GSTA2: variants seen among roughly 807,000 people sequenced by gnomAD.
GSTA2 encodes glutathione S-transferase alpha 2.
In GSTA2, 27 loss-of-function variants were observed where a neutral mutation model predicts 22.4. That is an observed-to-expected ratio of 1.21 (90% CI 0.89 to 1.67). The LOEUF (loss-of-function observed/expected upper bound fraction) is 1.67. Ranked by LOEUF, GSTA2 falls within the 40% of genes most tolerant of loss-of-function variation. The pLI, the probability that GSTA2 is intolerant of heterozygous loss-of-function variation, is 0.00. For missense variants in GSTA2, 302 were observed against 260.2 expected (o/e 1.16, Z -1.11); for synonymous variants, 121 against 86.8 (o/e 1.39, Z -2.19).
chr6:52,763,226 G>C (rs1762982311), intron 1 of GSTA2, among the ~76,000 whole-genome samples: 1 of 151,948 alleles, frequency 6.6e-6, no homozygotes, highest in African/African-American at 2.4e-5. Flanking sequence ...CTGAGGCCCT[G>C]GTTTTCTAAA....
intron 1 of GSTA2, among the ~76,000 whole-genome samples, chr6:52,759,803 C>T (rs779890805): frequency 3.3e-5 from 5 of 151,590 alleles, no homozygotes; most frequent in African/African-American, 1.2e-4. Context: ...AGTCTGGTCT[C>T]GAAAGTCTGA....
Position 52,755,075 on chromosome 6 carries a change from T to A in GSTA2, c.140A>T (p.Asp47Val). The A allele has an allele frequency of 6.2e-7, 1 of 1,613,744 alleles. No individual in the cohort carries two copies. Among genetic ancestry groups the A allele is most frequent in the Non-Finnish European group, 8.5e-7 (1 of 1,179,984 alleles). The change falls in exon 4 of 7, where the codon GAT (aspartate) becomes GTT (valine). Residue 47 changes from aspartate to valine, a missense_variant and splice_region_variant. Transcript: ENST00000493422. ...SAEDLDKLRN[D>V]GYLMFQQVPM... Reference sequence around the variant, plus strand: ...CACTTGCTGGAACATCAAATATCCATCTTTAAGAGGAAGAAAAAAAAGGAG... The same window carrying A: ...CACTTGCTGGAACATCAAATATCCAACTTTAAGAGGAAGAAAAAAAAGGAG...
chr6:52,755,946 G>A (rs1762833977), intron 3 of GSTA2, among the ~76,000 whole-genome samples: 1 of 151,988 alleles, frequency 6.6e-6, no homozygotes, highest in Non-Finnish European at 1.5e-5. Context: ...GGATGGAGAG[G>A]GCTGTATGGG....
At chr6:52,762,837 C>T (rs1279650566) in intron 1 of GSTA2, among the ~76,000 whole-genome samples, 1 of 152,160 alleles carries the variant, frequency 6.6e-6, no homozygotes, top group Non-Finnish European at 1.5e-5. Flanking sequence ...CAGGACAGAT[C>T]TCCGTTCAAA....
intron 4 of GSTA2, among the ~76,000 whole-genome samples, chr6:52,754,263 C>T (rs909137005): frequency 2.0e-5 from 3 of 152,142 alleles, no homozygotes; most frequent in African/African-American, 7.2e-5. Flanking sequence ...GCTGGGTCAT[C>T]GGTAATACCA....
chr6:52,752,237 TTCA>T (rs1012703847), intron 5 of GSTA2, among the ~76,000 whole-genome samples: 14 of 152,222 alleles, frequency 9.2e-5, no homozygotes, highest in Admixed American at 4.6e-4. Context: ...TGAACCTGAA[TTCA>T]TCATCTTTTT....
intron 1 of GSTA2, among the ~76,000 whole-genome samples, chr6:52,758,223 G>A (rs972822002): frequency 3.3e-5 from 5 of 152,190 alleles, no homozygotes; most frequent in African/African-American, 4.8e-5. Context: ...GGCAGCCTAA[G>A]AGGTGAGAGT....
intron 1 of GSTA2, among the ~76,000 whole-genome samples, chr6:52,758,877 C>T (rs1470217646): frequency 6.6e-6 from 1 of 152,136 alleles, no homozygotes; most frequent in Non-Finnish European, 1.5e-5. Context: ...TTGTTTTATC[C>T]TACAAAAATT....
intron 5 of GSTA2, among the ~76,000 whole-genome samples, chr6:52,752,598 A>G (rs1186422145): frequency 6.6e-6 from 1 of 152,256 alleles, no homozygotes. Context: ...TTATGAACAC[A>G]AAATTCTGTT....
At chr6:52,751,363 C>T (rs1443132863) in intron 6 of GSTA2, among the ~76,000 whole-genome samples, 1 of 152,176 alleles carries the variant, frequency 6.6e-6, no homozygotes, top group African/African-American at 2.4e-5. Context: ...GCAAAATACT[C>T]TTTGCGGGGT....
intron 4 of GSTA2, among the ~76,000 whole-genome samples, chr6:52,754,698 G>T (rs1430464932): frequency 6.6e-6 from 1 of 152,068 alleles, no homozygotes. Context: ...TGAGAGTTTG[G>T]AAACCTTTGT....
Position 52,750,567 on chromosome 6 carries a change from G to C in GSTA2, c.*10C>G, listed in dbSNP as rs768126296. On this transcript the variant is annotated 3_prime_UTR_variant, in exon 7 of 7. Coordinates refer to ENST00000493422, the MANE Select transcript of GSTA2 (RefSeq NM_000846.5). ...GGTCTTGCATGTTCTTGACCTCTAT[G>C]GCTGGTTTATTAAAACCTGAAAATC... 1.4e-5 allele frequency: 23 copies of C among 1,613,330 alleles called. No homozygotes were observed. The highest frequency in any genetic ancestry group is 1.7e-5 in the Non-Finnish European group (20 of 1,179,572).
At chr6:52,754,909 C>T (rs1485982822) in intron 4 of GSTA2, 34 bp downstream of exon 4, 1 of 1,611,870 alleles carries the variant, frequency 6.2e-7, no homozygotes, top group African/African-American at 1.3e-5. Flanking sequence ...ACTCTATGTT[C>T]TCTGTGGATG....
intron 1 of GSTA2, among the ~76,000 whole-genome samples, chr6:52,762,096 T>C (rs575291398): frequency 6.6e-6 from 1 of 152,200 alleles, no homozygotes; most frequent in South Asian, 2.1e-4. Flanking sequence ...TTCAGTAATG[T>C]CAAGTACCCA....
intron 6 of GSTA2, 126 bp from the exon 7 acceptor site, chr6:52,750,825 G>T: frequency 8.9e-7 from 1 of 1,121,656 alleles, no homozygotes; most frequent in Non-Finnish European, 1.3e-6. Context: ...CTTGGGTGAA[G>T]GCAGAAACAG....
chr6:52,760,842 A>T (rs1031861409), intron 1 of GSTA2, among the ~76,000 whole-genome samples: 3 of 152,172 alleles, frequency 2.0e-5, no homozygotes, highest in African/African-American at 7.2e-5. Flanking sequence ...CTACTTTGAC[A>T]ACCTAAAAAC....
At chr6:52,751,793 T>A (rs1762743944) in intron 5 of GSTA2, 85 bp from the exon 6 acceptor site, 2 of 1,595,706 alleles carry the variant, frequency 1.3e-6, no homozygotes, top group Admixed American at 3.3e-5. Context: ...CCACCCTGAC[T>A]TTCCCCACCT....
Position 52,750,657 on chromosome 6 carries a change from A to G in GSTA2, c.589T>C (p.Phe197Leu). 2 of 1,613,354 alleles carry G rather than the reference A, an allele frequency of 1.2e-6. No homozygotes were observed. The highest frequency in any genetic ancestry group is 1.7e-6 in the Non-Finnish European group (2 of 1,179,800). ...TTCCTTGGGCTGCCAGGCTGTAGAA[A>G]CTTCTTCACTGTGGGCAGGTTACTG... ...RISNLPTVKK[F>L]LQPGSPRKPP... Residue 197 changes from phenylalanine to leucine, a missense_variant, in exon 7 of 7, where the codon TTT becomes CTT. Transcript: ENST00000493422.
intron 1 of GSTA2, among the ~76,000 whole-genome samples, chr6:52,760,329 C>T (rs959181571): frequency 2.6e-5 from 4 of 152,186 alleles, no homozygotes; most frequent in Admixed American, 6.5e-5. Context: ...CATATCACTT[C>T]CTCAATGTGA....
Sources: gnomAD v4.1 joint callset for allele counts (sites outside exome capture counted in the v4.1 genomes callset) on GRCh38, gnomAD v4.1.1 for gene constraint, MANE v1.5 for transcripts, NCBI Gene and HGNC (gene_info 2026-07-23, HGNC 2026-07-21) for gene names.